Variants in EPC1 observed in about 807,000 individuals in gnomAD.
EPC1 encodes the protein enhancer of polycomb 1.
EPC1 carries 12 observed loss-of-function variants against 98.4 expected under a neutral mutation model. The ratio of observed to expected loss-of-function variants is 0.12; its 90% CI spans 0.08 to 0.20. The LOEUF (loss-of-function observed/expected upper bound fraction) is 0.20, where lower values mean the gene tolerates loss of function less well. Ranked by LOEUF, EPC1 falls within the 10% of genes least tolerant of loss-of-function variation. The pLI is 1.00. For synonymous variants in EPC1, 357 were observed against 363.9 expected, an observed-to-expected ratio of 0.98 and a Z score of 0.21; for missense variants, 729 against 990.5, an observed-to-expected ratio of 0.74 and a Z score of 3.54.
intron 13 of EPC1, among the ~76,000 whole-genome samples, chr10:32,270,145 T>C (rs1564515743): frequency 1.3e-5 from 2 of 152,246 alleles, no homozygotes; most frequent in Admixed American, 6.5e-5. Flanking sequence ...CTAACACAGA[T>C]TGGATCTGAT....
chr10:32,301,038 A>ATATTTATCTATCTATCTATC (rs71299736), intron 2 of EPC1, among the ~76,000 whole-genome samples: 29 of 143,008 alleles, frequency 2.0e-4, no homozygotes, highest in Middle Eastern at 3.2e-3. Context: ...AAGCACATTT[A>ATATTTATCTATCTATCTATC]TATCTATCTA....
At chr10:32,343,773 A>G (rs1378108958) in intron 1 of EPC1, among the ~76,000 whole-genome samples, 1 of 151,904 alleles carries the variant, frequency 6.6e-6, no homozygotes, top group Non-Finnish European at 1.5e-5. Flanking sequence ...TGCAGCTCAT[A>G]GTATTAAAAC....
chr10:32,275,655 G>C (rs1166152942), intron 10 of EPC1, among the ~76,000 whole-genome samples: 2 of 151,774 alleles, frequency 1.3e-5, no homozygotes, highest in Non-Finnish European at 2.9e-5. Flanking sequence ...CGTGCCTGTA[G>C]TCCCAGCTAG....
At chr10:32,342,621 G>A (rs1386500277) in intron 1 of EPC1, among the ~76,000 whole-genome samples, 1 of 152,184 alleles carries the variant, frequency 6.6e-6, no homozygotes. Context: ...CAGTTTCAAA[G>A]GTGACTGTAG....
chr10:32,357,502 C>G (rs140786576), intron 1 of EPC1, among the ~76,000 whole-genome samples: 1 of 152,198 alleles, frequency 6.6e-6, no homozygotes, highest in African/African-American at 2.4e-5. Flanking sequence ...GCTTTGTGGC[C>G]CAGGCTGCAG....
chr10:32,346,835 G>A lies in EPC1; in HGVS notation c.81C>T (p.Asp27=), dbSNP rs772147628. 1.9e-6 allele frequency: 3 copies of A among 1,614,190 alleles called. 1 individual carries two copies. The highest frequency in any genetic ancestry group is 2.2e-5 in the South Asian group (2 of 91,092). Residue 27 remains aspartate (D), a synonymous_variant, in exon 1 of 14, where the codon GAC becomes GAT. Transcript: ENST00000319778. ...TGTTTATCGAGGCGTATTCGTGCAG[G>A]TCGGGCAGATCCTCACAGCGGAAAA... The part of the protein sequence containing the change: ...LPVFRCEDLP[D]LHEYASINRA...
chr10:32,348,597 C>T (rs566284470), upstream of EPC1, among the ~76,000 whole-genome samples: 1 of 152,278 alleles, frequency 6.6e-6, no homozygotes, highest in East Asian at 1.9e-4. Flanking sequence ...ACTTAAACTC[C>T]GATATTGGCA....
At chr10:32,323,997 G>A (rs1271127415) in intron 1 of EPC1, among the ~76,000 whole-genome samples, 1 of 151,984 alleles carries the variant, frequency 6.6e-6, no homozygotes, top group Non-Finnish European at 1.5e-5. Context: ...GAGCAGTGGC[G>A]CGATCTCGGC....
intron 1 of EPC1, among the ~76,000 whole-genome samples, chr10:32,312,476 CT>C (rs1188492095): frequency 1.3e-5 from 2 of 152,106 alleles, no homozygotes. Context: ...AGATATATAT[CT>C]CAATCATCCC....
chr10:32,290,396 G>A (rs1263311948), intron 6 of EPC1, among the ~76,000 whole-genome samples: 1 of 146,110 alleles, frequency 6.8e-6, no homozygotes, highest in Non-Finnish European at 1.5e-5. Flanking sequence ...CGAGGCAGGA[G>A]AATCGCTTAA....
chr10:32,275,223 G>A (rs1836020598), intron 10 of EPC1, among the ~76,000 whole-genome samples: 1 of 152,228 alleles, frequency 6.6e-6, no homozygotes, highest in South Asian at 2.1e-4. Context: ...AAATCAATGT[G>A]AATAAAGTCC....
At chr10:32,279,249 TG>T (rs1449872051) in intron 10 of EPC1, among the ~76,000 whole-genome samples, 27 of 151,076 alleles carry the variant, frequency 1.8e-4, no homozygotes, top group Admixed American at 1.8e-3. Flanking sequence ...CTCGGGAGGC[TG>T]AGGTGGGAGA....
chr10:32,357,251 T>G (rs1205528932), intron 1 of EPC1, among the ~76,000 whole-genome samples: 1 of 152,236 alleles, frequency 6.6e-6, no homozygotes, highest in African/African-American at 2.4e-5. Context: ...CATGAATTAC[T>G]GACACAGGTA....
At chr10:32,311,126 C>T (rs149064226) in intron 1 of EPC1, among the ~76,000 whole-genome samples, 16,292 of 151,778 alleles carry the variant, frequency 0.11, 1,175 homozygotes, top group South Asian at 0.24. Context: ...CTGGCTAACA[C>T]GGTGAAACCC....
chr10:32,343,693 T>TTG (rs1005380723), intron 1 of EPC1, among the ~76,000 whole-genome samples: 7 of 25,056 alleles, frequency 2.8e-4, no homozygotes, highest in African/African-American at 1.1e-3. Flanking sequence ...CCAAATTATT[T>TTG]TGGGGGGGGG....
chr10:32,296,187 G>A lies in EPC1; in HGVS notation c.314-2450C>T, dbSNP rs1191091907. 7.2e-5 allele frequency among the ~76,000 whole-genome samples: 11 copies of A among 151,876 alleles called. 1 individual carries two copies. Among genetic ancestry groups the A allele is most frequent in the African/African-American group, 2.7e-4 (11 of 41,424 alleles). Reference sequence around the variant, plus strand: ...CCTGAACTCATGATCCACCCGCCCCGGCCTCCCGAAGTTCTGGGATTACAG... The same window carrying A: ...CCTGAACTCATGATCCACCCGCCCCAGCCTCCCGAAGTTCTGGGATTACAG... On this transcript the variant is annotated intron_variant, in intron 2 of 13. Coordinates refer to ENST00000319778, the MANE Select transcript of EPC1 (RefSeq NM_001272004.3).
chr10:32,358,568 C>T (rs1176402890), intron 1 of EPC1, among the ~76,000 whole-genome samples: 2 of 143,000 alleles, frequency 1.4e-5, no homozygotes, highest in Non-Finnish European at 1.5e-5. Flanking sequence ...TCACTTGAGC[C>T]TAGGAGGTTG....
Position 32,271,647 on chromosome 10 carries a change from C to G in EPC1, c.2276G>C (p.Ser759Thr). 2 of 1,614,174 alleles carry G rather than the reference C, an allele frequency of 1.2e-6. No homozygotes were observed. The highest frequency in any genetic ancestry group is 1.7e-6 in the Non-Finnish European group (2 of 1,180,034). The change falls in exon 13 of 14, where the codon AGT (serine) becomes ACT (threonine). Residue 759 changes from serine (S) to threonine (T), a missense_variant. Transcript: ENST00000319778. ...CTTTAAGGCAGATGATGGAACAGCA[C>G]TTAAAGTCCTAGGTATATGTCGTGC... ...INARHIPRTL[S>T]AVPSSALKLA...
chr10:32,273,565 T>A (rs1835940502), intron 10 of EPC1, among the ~76,000 whole-genome samples: 1 of 152,172 alleles, frequency 6.6e-6, no homozygotes, highest in Middle Eastern at 3.4e-3. Context: ...ATTTTTTTTT[T>A]AAGCTGTGAC....
Sources: gnomAD v4.1 joint callset for allele counts (sites outside exome capture counted in the v4.1 genomes callset) on GRCh38, gnomAD v4.1.1 for gene constraint, MANE v1.5 for transcripts, NCBI Gene and HGNC (gene_info 2026-07-23, HGNC 2026-07-21) for gene names.